The following ATMIN variants were observed in gnomAD, a reference collection of about 807,000 sequenced individuals.
The protein encoded by ATMIN is ATM interactor, also known as ATM INteracting protein.
In ATMIN, 24 loss-of-function variants were observed where a neutral mutation model predicts 49.2. The observed-to-expected ratio is 0.49, with a 90% CI of 0.35 to 0.69. The LOEUF (loss-of-function observed/expected upper bound fraction) is 0.69. Among genes scored for constraint, ATMIN ranks in the 30% least tolerant of loss-of-function variants. The probability of loss-of-function intolerance (pLI) is 0.00; values close to 1 mark genes in which losing one functional copy is unlikely to be tolerated. For missense variants in ATMIN, 1,037 were observed against 1,005.5 expected, an observed-to-expected ratio of 1.03 and a Z score of -0.42; for synonymous variants, 450 against 392.5, an observed-to-expected ratio of 1.15 and a Z score of -1.73.
chr16:81,043,334 C>G lies in ATMIN; in HGVS notation c.836C>G (p.Thr279Ser). Residue 279 changes from threonine (T) to serine (S), a missense_variant, in exon 4 of 4, where the codon ACT becomes AGT. Coordinates refer to ENST00000299575, the MANE Select transcript of ATMIN (RefSeq NM_015251.3). ...PSFEDSCGSNTDKQTLTTPPR... is the reference protein window; with the variant it reads ...PSFEDSCGSNSDKQTLTTPPR... ...TTTGAAGACTCTTGTGGCTCTAACA[C>G]TGACAAGCAGACTCTTACAACACCA... 2 of 1,614,106 alleles carry G rather than the reference C, an allele frequency of 1.2e-6. No homozygotes were observed. The highest frequency in any genetic ancestry group is 1.7e-6 in the Non-Finnish European group (2 of 1,180,018).
In ATMIN at chr16:81,042,392, C is replaced by T. The variant is rs200583005; in HGVS notation, c.574C>T (p.Arg192Trp). ...RHAEDCGKTF[R>W]CTCGCPYASR... ...TGCAGAGGACTGTGGCAAGACCTTC[C>T]GGTGCACATGCGGCTGTCCCTACGC... is the stretch of plus-strand genomic sequence containing the variant. Residue 192 changes from arginine (R) to tryptophan (W), a missense_variant, in exon 3 of 4, where the codon CGG (arginine) becomes TGG (tryptophan). Transcript: ENST00000299575. The T allele has an allele frequency of 5.3e-5, 85 of 1,614,002 alleles. No individual in the cohort carries two copies. Among genetic ancestry groups the T allele is most frequent in the Admixed American group, 6.7e-5 (4 of 59,990 alleles).
intron 1 of ATMIN, among the ~76,000 whole-genome samples, chr16:81,038,742 T>A (rs779579976): frequency 3.9e-5 from 6 of 152,158 alleles, no homozygotes; most frequent in Non-Finnish European, 7.4e-5. Context: ...TGCTTTAGCC[T>A]CCCCAGTAGC....
rs1970951329 is a variant in ATMIN, at chr16:81,037,101, A to G, written c.336+895A>G. 4 of 859,988 alleles carry G rather than the reference A, an allele frequency of 4.7e-6. No individual in the cohort carries two copies. The South Asian group carries it at 1.6e-4, about 34-fold the overall frequency. The allele number at this position is 859,988 out of a possible 1,614,324, so 53.3% of individuals were successfully genotyped here. A position where few individuals can be genotyped will look rare whatever the true frequency, so the allele number is the denominator to read the frequency against. ...GGGACACATCTGTGACAAGCTTATT[A>G]AAAATCCAGATGTCCAGCCCCACCC... On this transcript the variant is annotated intron_variant, in intron 1 of 3. Transcript: ENST00000299575.
chr16:81,041,741 T>G, intron 2 of ATMIN: 1 of 327,588 alleles, frequency 3.1e-6, no homozygotes, highest in Admixed American at 4.5e-5. Flanking sequence ...GAGAAAATGT[T>G]TGCTCGCAGA....
rs1402943020 is a variant in ATMIN at position 81,045,612 on chromosome 16, T to G, written c.*642T>G. The G allele has an allele frequency of 6.6e-6, 1 of 152,634 alleles. No homozygotes were observed. Among genetic ancestry groups the G allele is most frequent in the Non-Finnish European group, 1.5e-5 (1 of 68,400 alleles). 9.5% of individuals were successfully genotyped at this position (152,634 alleles called of 1,614,324 possible). A position where few individuals can be genotyped will look rare whatever the true frequency, so the allele number is the denominator to read the frequency against. ...GCCACCTCTTCGCTACATGAACTAC[T>G]ATTGATACCAGCATACAAGTGTACA... is the stretch of plus-strand genomic sequence containing the variant. On this transcript the variant is annotated 3_prime_UTR_variant, in exon 4 of 4. Transcript: ENST00000299575.
chr16:81,036,289 G>T (rs1204089079), intron 1 of ATMIN, 83 bp downstream of exon 1: 6 of 1,107,992 alleles, frequency 5.4e-6, no homozygotes, highest in South Asian at 8.3e-5. Flanking sequence ...AGCCGGCCTC[G>T]GGGGGACGAG....
At chr16:81,041,016 G>C (rs546021279) in intron 1 of ATMIN, 1 of 234,608 alleles carries the variant, frequency 4.3e-6, no homozygotes, top group African/African-American at 2.3e-5. Context: ...CGATGTGTTT[G>C]AAATGAGCAG....
In ATMIN at chr16:81,046,983, C is replaced by T. The variant is rs1377656963; in HGVS notation, c.*2013C>T. On this transcript the variant is annotated 3_prime_UTR_variant, in exon 4 of 4. Coordinates refer to ENST00000299575, the MANE Select transcript of ATMIN (RefSeq NM_015251.3). ...CATTATGTTTTAGAATCATCACTGC[C>T]TTAATATTCAAGCATCTATTTAAGT... is the stretch of plus-strand genomic sequence containing the variant. The T allele has an allele frequency of 6.6e-6, 1 of 152,586 alleles. No individual in the cohort carries two copies. The highest frequency in any genetic ancestry group is 1.5e-5 in the Non-Finnish European group (1 of 68,032). 9.5% of individuals were successfully genotyped at this position (152,586 alleles called of 1,614,324 possible).
chr16:81,044,244 T>G lies in ATMIN; in HGVS notation c.1746T>G (p.Asp582Glu). ...TGCTTCCTTCACAGAACATGACAGA[T>G]AATCAGACCCAAACCATAGATTTAT... ...NSMLPSQNMT[D>E]NQTQTIDLLS... The change falls in exon 4 of 4, where the codon GAT (aspartate) becomes GAG (glutamate). Residue 582 changes from aspartate to glutamate, a missense_variant. By Grantham distance (45) the Asp-to-Glu change is conservative (BLOSUM62 2). Transcript: ENST00000299575. The G allele has an allele frequency of 6.2e-7, 1 of 1,614,120 alleles. No individual in the cohort carries two copies. Among genetic ancestry groups the G allele is most frequent in the Non-Finnish European group, 8.5e-7 (1 of 1,180,020 alleles).
rs555110412 is a variant in ATMIN, at chr16:81,041,314, G to T, written c.337-42G>T. 5 of 1,577,816 alleles carry T rather than the reference G, an allele frequency of 3.2e-6. No homozygotes were observed. In the African/African-American group the frequency reaches 4.1e-5, roughly 13 times the overall value. The stretch of plus-strand genomic sequence containing the variant: ...CGTTTCCACTCCAGCCTGTTGTGTT[G>T]TTTTTTTGAAATAATAATTTAAAGT... On this transcript the variant is annotated intron_variant, in intron 1 of 3. Coordinates refer to ENST00000299575, the MANE Select transcript of ATMIN (RefSeq NM_015251.3).
chr16:81,043,579 T>C lies in ATMIN; in HGVS notation c.1081T>C (p.Ser361Pro). ...LILGLDSEAC[S>P]LKESLPLFKI... ...CCTCGGCCTAGATTCAGAGGCTTGC[T>C]CTCTTAAGGAGAGCCTACCTCTTTT... Residue 361 changes from serine (S) to proline (P), a missense_variant, in exon 4 of 4, where the codon TCT becomes CCT. Coordinates refer to ENST00000299575, the MANE Select transcript of ATMIN (RefSeq NM_015251.3). The C allele has an allele frequency of 6.2e-7, 1 of 1,614,160 alleles. No homozygotes were observed. The highest frequency in any genetic ancestry group is 8.5e-7 in the Non-Finnish European group (1 of 1,180,036).
Position 81,036,105 on chromosome 16 carries a change from G to A in ATMIN, c.235G>A (p.Ala79Thr). Residue 79 changes from alanine (A) to threonine (T), a missense_variant, in exon 1 of 4, where the codon GCC becomes ACC. Physicochemically the swap from Ala to Thr is moderately conservative, Grantham distance 58. Coordinates refer to ENST00000299575, the MANE Select transcript of ATMIN (RefSeq NM_015251.3). ...GCCGTCGGTGAGCGAGCTGTCCCGG[G>A]CCGTGCGGACCAACATCCTGTGCAC... ...IQPSVSELSR[A>T]VRTNILCTVR... 1 of 1,427,090 alleles carries A rather than the reference G, an allele frequency of 7.0e-7. No homozygotes were observed. Among genetic ancestry groups the A allele is most frequent in the Non-Finnish European group, 9.3e-7 (1 of 1,079,818 alleles). The allele number at this position is 1,427,090 out of a possible 1,614,324, so 88.4% of individuals were successfully genotyped here. A position where few individuals can be genotyped will look rare whatever the true frequency, so the allele number is the denominator to read the frequency against.
intron 1 of ATMIN, chr16:81,037,395 C>T (rs1282517641): frequency 2.0e-6 from 2 of 985,276 alleles, no homozygotes. Flanking sequence ...GAAGAGTGAT[C>T]TGCTCTTACC....
rs754846217 is a variant in ATMIN at position 81,044,243 on chromosome 16, A to G, written c.1745A>G (p.Asp582Gly). ...NSMLPSQNMT[D>G]NQTQTIDLLS... is the part of the protein sequence containing the mutation. ...ATGCTTCCTTCACAGAACATGACAG[A>G]TAATCAGACCCAAACCATAGATTTA... Residue 582 changes from aspartate (D) to glycine (G), a missense_variant, in exon 4 of 4, where the codon GAT (aspartate) becomes GGT (glycine). By Grantham distance (94) the Asp-to-Gly change is moderately conservative (BLOSUM62 -1). Coordinates refer to ENST00000299575, the MANE Select transcript of ATMIN (RefSeq NM_015251.3). The G allele has an allele frequency of 6.2e-7, 1 of 1,614,170 alleles. No individual in the cohort carries two copies. The highest frequency in any genetic ancestry group is 1.7e-5 in the Admixed American group (1 of 60,018).
intron 3 of ATMIN, 139 bp downstream of exon 3, chr16:81,042,619 A>G: frequency 1.1e-6 from 1 of 925,876 alleles, no homozygotes; most frequent in Non-Finnish European, 1.6e-6. Context: ...AGCTTTTGAA[A>G]ATGGAAGCAG....
intron 1 of ATMIN, chr16:81,037,558 C>G: frequency 1.1e-6 from 1 of 895,710 alleles, no homozygotes; most frequent in African/African-American, 1.8e-5. Flanking sequence ...AAGTGTAACT[C>G]TGGGAATGGC....
chr16:81,044,136 GT>G lies in ATMIN; in HGVS notation c.1640del (p.Leu547TyrfsTer9). 6.2e-7 allele frequency: 1 copy of G among 1,614,172 alleles called. No individual in the cohort carries two copies. The highest frequency in any genetic ancestry group is 8.5e-7 in the Non-Finnish European group (1 of 1,180,014). On this transcript the variant is annotated frameshift_variant, in exon 4 of 4. Transcript: ENST00000299575. LOFTEE classifies it high-confidence loss of function. ...LVAETVTHSLLPQNEPKTLNQ... is the reference protein window; with the variant it reads ...LVAETVTHSLXPQNEPKTLNQ... ...TAGCAGAGACAGTAACTCATAGTTTGTTACCTCAGAATGAGCCTAAGACTTT... is the reference window on the plus strand; with the variant it reads ...TAGCAGAGACAGTAACTCATAGTTTGTACCTCAGAATGAGCCTAAGACTTT...
rs1597121394 is a variant in ATMIN, at chr16:81,035,846, T to C, written c.-25T>C. 12 of 769,636 alleles carry C rather than the reference T, an allele frequency of 1.6e-5. No homozygotes were observed. Among genetic ancestry groups the C allele is most frequent in the Non-Finnish European group, 1.9e-5 (12 of 633,936 alleles). 47.7% of individuals were successfully genotyped at this position (769,636 alleles called of 1,614,324 possible). On this transcript the variant is annotated 5_prime_UTR_variant, in exon 1 of 4. Transcript: ENST00000299575. ...TGCGGCGGGGGCGGGGCCTACGAAC[T>C]GGGCCGGGCGGCCGTGCGGGAGCCA...
chr16:81,041,520 A>G, intron 2 of ATMIN, 39 bp downstream of exon 2: 1 of 1,578,526 alleles, frequency 6.3e-7, no homozygotes, highest in South Asian at 1.2e-5. Flanking sequence ...GATGCTAAAA[A>G]CCTATTGTGC....
Sources: gnomAD v4.1 joint callset for allele counts (sites outside exome capture counted in the v4.1 genomes callset) on GRCh38, gnomAD v4.1.1 for gene constraint, MANE v1.5 for transcripts, NCBI Gene and HGNC (gene_info 2026-07-23, HGNC 2026-07-21) for gene names.